Variants in ADGRL3 observed in about 807,000 individuals in gnomAD.
ADGRL3 encodes calcium-independent alpha-latrotoxin receptor 3.
Under a neutral mutation model 153.5 loss-of-function variants are expected in ADGRL3, and 62 were observed. That is an observed-to-expected ratio of 0.40 (90% CI 0.33 to 0.50). ADGRL3 has a LOEUF of 0.50. Ranked by LOEUF, ADGRL3 falls within the 20% of genes least tolerant of loss-of-function variation. The pLI is 0.47. For missense variants in ADGRL3, 1,641 were observed against 1,859.4 expected (o/e 0.88, Z 2.16); for synonymous variants, 710 against 672.5 (o/e 1.06, Z -0.86).
chr4:61,975,055 A>T (rs1220915804), intron 17 of ADGRL3, among the ~76,000 whole-genome samples: 3 of 152,186 alleles, frequency 2.0e-5, no homozygotes, highest in African/African-American at 7.2e-5. Flanking sequence ...CAGGAGCTGG[A>T]GGATTGGTAA....
chr4:61,875,616 T>TA (rs1369470223), intron 9 of ADGRL3, among the ~76,000 whole-genome samples: 1 of 152,226 alleles, frequency 6.6e-6, no homozygotes, highest in East Asian at 1.9e-4. Context: ...AGGGTAATAC[T>TA]AAAAAGATAA....
At chr4:61,252,402 T>G (rs1577984145) in intron 1 of ADGRL3, among the ~76,000 whole-genome samples, 1 of 152,280 alleles carries the variant, frequency 6.6e-6, no homozygotes, top group East Asian at 1.9e-4. Context: ...TGTCAAAAGA[T>G]TTGAAAAAAA....
intron 1 of ADGRL3, among the ~76,000 whole-genome samples, chr4:61,262,822 C>T (rs977954628): frequency 6.6e-6 from 1 of 152,014 alleles, no homozygotes; most frequent in Admixed American, 6.6e-5. Flanking sequence ...TTATGTGGAA[C>T]CAATTCTTAT....
At chr4:61,675,643 T>TTTTATTTATTTATTTATTTA (rs71213003) in intron 5 of ADGRL3, among the ~76,000 whole-genome samples, 5,163 of 139,710 alleles carry the variant, frequency 0.037, 166 homozygotes, top group Middle Eastern at 0.064. Flanking sequence ...GCTTAGAAAG[T>TTTTATTTATTTATTTATTTA]TTTATTTATT....
Position 61,756,065 on chromosome 4 carries a change from C to G in ADGRL3, c.1399+22511C>G, listed in dbSNP as rs543382820. Among the ~76,000 whole-genome samples the G allele has an allele frequency of 2.9e-3, 434 of 152,232 alleles. 3 individuals are homozygous for G. The highest frequency in any genetic ancestry group is 1.0e-2 in the African/African-American group (415 of 41,526). ...AAGTCAGGTAGCGTGATGCCTCCAG[C>G]TTTGTTCTTTTGGCTTAGGATTGAC... On this transcript the variant is annotated intron_variant, in intron 8 of 26. Transcript: ENST00000683033.
At chr4:61,777,288 G>A (rs889911307) in intron 8 of ADGRL3, among the ~76,000 whole-genome samples, 7 of 151,772 alleles carry the variant, frequency 4.6e-5, no homozygotes, top group South Asian at 2.1e-4. Flanking sequence ...AGCAGAGATC[G>A]CGCCACTGCA....
intron 25 of ADGRL3, among the ~76,000 whole-genome samples, chr4:62,053,950 CT>C (rs1338012718): frequency 6.6e-6 from 1 of 151,228 alleles, no homozygotes; most frequent in African/African-American, 2.4e-5. Context: ...TTCATTTGTT[CT>C]GCATTTTGTT....
chr4:61,833,471 G>A (rs1321783903), intron 9 of ADGRL3, among the ~76,000 whole-genome samples: 1 of 152,184 alleles, frequency 6.6e-6, no homozygotes, highest in Non-Finnish European at 1.5e-5. Flanking sequence ...TTGGTGGGTA[G>A]GAGCCAGGAG....
chr4:61,335,725 A>G (rs2095661491), intron 1 of ADGRL3, among the ~76,000 whole-genome samples: 1 of 152,192 alleles, frequency 6.6e-6, no homozygotes, highest in African/African-American at 2.4e-5. Context: ...CTCTAGGACA[A>G]TTTATGAGGT....
At chr4:61,526,813 G>A (rs1041622868) in intron 4 of ADGRL3, among the ~76,000 whole-genome samples, 9 of 151,658 alleles carry the variant, frequency 5.9e-5, no homozygotes, top group Non-Finnish European at 1.2e-4. Flanking sequence ...TTTAATTCGA[G>A]GAATGTTGTA....
intron 25 of ADGRL3, among the ~76,000 whole-genome samples, chr4:62,064,912 A>G (rs10002381): frequency 0.028 from 4,206 of 152,182 alleles, 208 homozygotes; most frequent in African/African-American, 0.097. Context: ...GTCGTTTGTC[A>G]ATACAATGAA....
chr4:61,919,431 C>T (rs1053953939), intron 13 of ADGRL3, among the ~76,000 whole-genome samples: 1 of 152,146 alleles, frequency 6.6e-6, no homozygotes, highest in African/African-American at 2.4e-5. Flanking sequence ...TATAAATCTG[C>T]ACCCTGCATG....
At chr4:61,610,955 A>G (rs1209453049) in intron 5 of ADGRL3, among the ~76,000 whole-genome samples, 1 of 151,990 alleles carries the variant, frequency 6.6e-6, no homozygotes, top group Non-Finnish European at 1.5e-5. Context: ...TTAGGCATAG[A>G]GAAAATATTG....
intron 17 of ADGRL3, among the ~76,000 whole-genome samples, chr4:61,957,151 A>T (rs1374983002): frequency 1.3e-5 from 2 of 152,122 alleles, no homozygotes; most frequent in South Asian, 4.1e-4. Context: ...CACAATATTG[A>T]TTCGTCCTAT....
chr4:61,338,670 C>G (rs2095739568), intron 1 of ADGRL3, among the ~76,000 whole-genome samples: 1 of 151,996 alleles, frequency 6.6e-6, no homozygotes, highest in African/African-American at 2.4e-5. Flanking sequence ...AACAATTTAT[C>G]CTTTGTATAC....
intron 1 of ADGRL3, among the ~76,000 whole-genome samples, chr4:61,260,851 A>C (rs559531206): frequency 6.6e-6 from 1 of 152,020 alleles, no homozygotes; most frequent in Non-Finnish European, 1.5e-5. Context: ...TCAGCCTCCC[A>C]AGTAGTTGGG....
chr4:61,371,058 C>T (rs1391429522), intron 1 of ADGRL3, among the ~76,000 whole-genome samples: 2 of 150,048 alleles, frequency 1.3e-5, no homozygotes, highest in Non-Finnish European at 3.0e-5. Context: ...GCAACCCCTG[C>T]CTTTTTTTGT....
At chr4:61,825,104 C>T (rs2148786077) in intron 9 of ADGRL3, among the ~76,000 whole-genome samples, 1 of 152,248 alleles carries the variant, frequency 6.6e-6, no homozygotes, top group Admixed American at 6.5e-5. Flanking sequence ...CAATTATTTC[C>T]ATTTTTTAAG....
chr4:61,703,277 A>G (rs936875802), intron 6 of ADGRL3, among the ~76,000 whole-genome samples: 3 of 148,066 alleles, frequency 2.0e-5, no homozygotes, highest in South Asian at 2.2e-4. Flanking sequence ...GAAACAATGT[A>G]GATGCTCAAC....
Sources: gnomAD v4.1 joint callset for allele counts (sites outside exome capture counted in the v4.1 genomes callset) on GRCh38, gnomAD v4.1.1 for gene constraint, MANE v1.5 for transcripts, NCBI Gene and HGNC (gene_info 2026-07-23, HGNC 2026-07-21) for gene names.